The following IP6K3 variants were observed in gnomAD, a reference collection of about 807,000 sequenced individuals.
IP6K3 encodes inositol hexakisphosphate kinase 3.
A neutral mutation model predicts 28.8 loss-of-function variants in IP6K3; 20 were observed. The ratio of observed to expected loss-of-function variants is 0.70; its 90% confidence interval spans 0.49 to 1.01. The LOEUF (loss-of-function observed/expected upper bound fraction) is 1.01. IP6K3 is among the 50% of genes least tolerant of loss of function. IP6K3 has a pLI of 0.00. For synonymous variants in IP6K3, 213 were observed against 221.3 expected (o/e 0.96, Z 0.33); for missense variants, 480 against 537.1 (o/e 0.89, Z 1.05).
At chr6:33,748,526 G>GAGAGGC (rs147473363), upstream of IP6K3, among the ~76,000 whole-genome samples, 16,133 of 150,892 alleles carry the variant, frequency 0.11, 1,118 homozygotes, top group African/African-American at 0.19. Context: ...CTAACATTTT[G>GAGAGGC]AGAGGCAGAG....
rs530349929 is a variant in IP6K3 at position 33,744,892 on chromosome 6, G to A, written c.-180+1866C>T. Among the ~76,000 whole-genome samples the A allele has an allele frequency of 5.0e-4, 69 of 139,034 alleles. No individual in the cohort carries two copies. Among genetic ancestry groups the A allele is most frequent in the African/African-American group, 1.7e-3 (68 of 40,422 alleles). The allele number at this position is 139,034 out of a possible 152,430, so 91.2% of individuals were successfully genotyped here. ...GAAGGGGAGGGGGTGGGAATGGGCT[G>A]GGGGTGGTGGGGCACTTGAGAGCCC... On this transcript the variant is annotated intron_variant, in intron 1 of 5. Transcript: ENST00000293756. The surrounding 1 kb of genome is among the most constrained non-coding windows in gnomAD (Gnocchi z 4.4).
chr6:33,733,758 G>A (rs1582212640), intron 2 of IP6K3, among the ~76,000 whole-genome samples: 1 of 152,214 alleles, frequency 6.6e-6, no homozygotes, highest in Non-Finnish European at 1.5e-5. Context: ...CTGTCTCTCC[G>A]TGTGTGACGC....
chr6:33,726,924 A>T lies in IP6K3; in HGVS notation c.414-18T>A. On this transcript the variant is annotated intron_variant, in intron 3 of 5. Coordinates refer to ENST00000293756, the MANE Select transcript of IP6K3 (RefSeq NM_054111.5). ...TGGCCGGGCTGCGGCGGAGTGGAGC[A>T]CAGGACGGTCAGAGCAGAGGTCTGG... is the stretch of plus-strand genomic sequence containing the variant. 1 of 1,584,954 alleles carries T rather than the reference A, an allele frequency of 6.3e-7. No homozygotes were observed. The highest frequency in any genetic ancestry group is 8.6e-7 in the Non-Finnish European group (1 of 1,159,250).
upstream of IP6K3, among the ~76,000 whole-genome samples, chr6:33,751,606 C>G (rs13206228): frequency 0.12 from 18,236 of 151,550 alleles, 1,457 homozygotes; most frequent in Middle Eastern, 0.21. The surrounding 1 kb of genome is among the most constrained non-coding windows in gnomAD (Gnocchi z 4.3). Context: ...GGCAGAGGGC[C>G]GGCCCTGCCC....
chr6:33,726,881 C>G lies in IP6K3; in HGVS notation c.439G>C (p.Glu147Gln). The change falls in exon 4 of 6, where the codon GAG (glutamate) becomes CAG (glutamine). Residue 147 changes from glutamate to glutamine, a missense_variant. Physicochemically the swap from Glu to Gln is conservative, Grantham distance 29 (BLOSUM62 2). Coordinates refer to ENST00000293756, the MANE Select transcript of IP6K3 (RefSeq NM_054111.5). ...AAGGCTGGAGTGTTGAGGTGGGGCT[C>G]GGACCTCAGAAGAGCCTTGGCCGGG... is the stretch of plus-strand genomic sequence containing the variant. Reference protein sequence around the residue: ...ESPAKALLRSEPHLNTPAFSL... With the variant: ...ESPAKALLRSQPHLNTPAFSL... 1 of 1,609,804 alleles carries G rather than the reference C, an allele frequency of 6.2e-7. No homozygotes were observed. Among genetic ancestry groups the G allele is most frequent in the Non-Finnish European group, 8.5e-7 (1 of 1,176,804 alleles).
At chr6:33,731,930 A>T (rs75254945) in intron 2 of IP6K3, among the ~76,000 whole-genome samples, 3,492 of 152,266 alleles carry the variant, frequency 0.023, 46 homozygotes, top group Non-Finnish European at 0.036. Context: ...ACCCGAGACC[A>T]TGCCAGCTGG....
chr6:33,748,495 C>T (rs1477651825), upstream of IP6K3, among the ~76,000 whole-genome samples: 4 of 151,854 alleles, frequency 2.6e-5, no homozygotes, highest in East Asian at 1.9e-4. Context: ...TGGCTGGGCA[C>T]GGTGGCTCAC....
Position 33,735,372 on chromosome 6 carries a change from G to T in IP6K3, c.105C>A (p.Asp35Glu). 6.2e-7 allele frequency: 1 copy of T among 1,606,366 alleles called. No homozygotes were observed. Among genetic ancestry groups the T allele is most frequent in the Non-Finnish European group, 8.5e-7 (1 of 1,176,122 alleles). Residue 35 changes from aspartate to glutamate, a missense_variant, in exon 2 of 6, where the codon GAC becomes GAA. By Grantham distance (45) the Asp-to-Glu change is conservative. Coordinates refer to ENST00000293756, the MANE Select transcript of IP6K3 (RefSeq NM_054111.5). ...CGAGGGGCTTGCACACCGTATGCTCGTCATACTTCATCACGCTCATGTGCC... is the reference window on the plus strand; with the variant it reads ...CGAGGGGCTTGCACACCGTATGCTCTTCATACTTCATCACGCTCATGTGCC... ...VGGHMSVMKYDEHTVCKPLVS... is the reference protein window; with the variant it reads ...VGGHMSVMKYEEHTVCKPLVS...
At chr6:33,756,090 C>T in the IP6K3 span, among the ~76,000 whole-genome samples, 4 of 152,192 alleles carry the variant, frequency 2.6e-5, no homozygotes, top group Non-Finnish European at 5.9e-5. Flanking sequence ...TCTCGAACTC[C>T]TGACCTCAGG....
chr6:33,748,856 GT>G (rs1237291125), upstream of IP6K3, among the ~76,000 whole-genome samples: 10 of 151,998 alleles, frequency 6.6e-5, no homozygotes, highest in South Asian at 1.5e-3. Context: ...TTAAAGTGGG[GT>G]GGGGATCCGA....
At chr6:33,743,828 C>T (rs749404133) in intron 1 of IP6K3, among the ~76,000 whole-genome samples, 4 of 151,348 alleles carry the variant, frequency 2.6e-5, no homozygotes, top group East Asian at 3.9e-4. Context: ...AAACTTATTT[C>T]GGGGCTGATT....
the IP6K3 span, among the ~76,000 whole-genome samples, chr6:33,755,611 C>G: frequency 1.3e-5 from 2 of 152,244 alleles, no homozygotes; most frequent in African/African-American, 4.8e-5. Flanking sequence ...TGTGGTGGCC[C>G]TCCCTGCAGC....
rs192115371 is a variant in IP6K3 at position 33,739,802 on chromosome 6, G to A, written c.-179-4147C>T. 3.9e-3 allele frequency among the ~76,000 whole-genome samples: 598 copies of A among 152,354 alleles called. 6 individuals carry two copies. Among genetic ancestry groups the A allele is most frequent in the African/African-American group, 0.013 (524 of 41,578 alleles). ...TGTTTCCTAAGAGCCTTGGGCAAGAGTCAGAAGTCCAGGGTCTACTCCAGG... is the reference window on the plus strand; with the variant it reads ...TGTTTCCTAAGAGCCTTGGGCAAGAATCAGAAGTCCAGGGTCTACTCCAGG... On this transcript the variant is annotated intron_variant, in intron 1 of 5. Transcript: ENST00000293756.
chr6:33,727,871 G>A, intron 3 of IP6K3: 1 of 985,320 alleles, frequency 1.0e-6, no homozygotes. Flanking sequence ...TCAACTTCTG[G>A]GATAAAATGC....
At chr6:33,724,905 G>T (rs1582197341) in intron 5 of IP6K3, among the ~76,000 whole-genome samples, 1 of 152,312 alleles carries the variant, frequency 6.6e-6, no homozygotes. Context: ...AAGTTCAAAT[G>T]TGATGGTTTT....
At chr6:33,737,305 A>C (rs1328366432) in intron 1 of IP6K3, among the ~76,000 whole-genome samples, 2 of 127,534 alleles carry the variant, frequency 1.6e-5, no homozygotes, top group Non-Finnish European at 3.3e-5. Flanking sequence ...TCCTGAGAGC[A>C]CATTCCCACA....
rs757998047 is a variant in IP6K3 at position 33,725,472 on chromosome 6, G to A, written c.734C>T (p.Ala245Val). 1.4e-5 allele frequency: 22 copies of A among 1,612,730 alleles called. No individual in the cohort carries two copies. In the East Asian group the frequency reaches 4.5e-4, roughly 33 times the overall value. The change falls in exon 5 of 6, where the codon GCC (alanine) becomes GTC (valine). Residue 245 changes from alanine (A) to valine (V), a missense_variant. By Grantham distance (64) the Ala-to-Val change is moderately conservative. Transcript: ENST00000293756. ...HMRKCAQSTS[A>V]CLGVRICGMQ... is the part of the protein sequence containing the mutation. ...GCCGCAGATGCGCACACCCAGGCAGGCTGAGGTGCTCTGCGCACACTTCCT... is the reference window on the plus strand; with the variant it reads ...GCCGCAGATGCGCACACCCAGGCAGACTGAGGTGCTCTGCGCACACTTCCT...
the IP6K3 span, among the ~76,000 whole-genome samples, chr6:33,754,473 C>T: frequency 2.6e-5 from 4 of 152,130 alleles, no homozygotes; most frequent in African/African-American, 7.2e-5. Flanking sequence ...CAAATGCGGG[C>T]GATCATTTAA....
At chr6:33,734,897 G>A (rs1330069993) in intron 2 of IP6K3, among the ~76,000 whole-genome samples, 2 of 152,232 alleles carry the variant, frequency 1.3e-5, no homozygotes, top group African/African-American at 4.8e-5. Context: ...TTGGCTTTCA[G>A]AGGGAGGTTA....
Sources: allele counts gnomAD v4.1 joint callset (sites outside exome capture counted in the v4.1 genomes callset), GRCh38; gene constraint gnomAD v4.1.1; non-coding constraint Gnocchi (gnomAD v3.1); transcripts MANE v1.5; gene names NCBI Gene and HGNC (gene_info 2026-07-23, HGNC 2026-07-21).